COL19A1: variants seen among roughly 807,000 people sequenced by gnomAD.
COL19A1 encodes collagen alpha-1(XIX) chain.
A neutral mutation model predicts 190.2 loss-of-function variants in COL19A1; 159 were observed. The observed-to-expected ratio is 0.84, with a 90% CI of 0.73 to 0.95. The LOEUF (loss-of-function observed/expected upper bound fraction) is 0.95, where lower values mean the gene tolerates loss of function less well. Ranked by LOEUF, COL19A1 falls within the 40% of genes least tolerant of loss-of-function variation. COL19A1 has a pLI of 0.00. For synonymous variants in COL19A1, 509 were observed against 458.9 expected, an observed-to-expected ratio of 1.11 and a Z score of -1.39; for missense variants, 1,418 against 1,431.9, an observed-to-expected ratio of 0.99 and a Z score of 0.16.
At chr6:70,185,300 A>G (rs1766438983) in intron 46 of COL19A1, among the ~76,000 whole-genome samples, 1 of 152,134 alleles carries the variant, frequency 6.6e-6, no homozygotes. Context: ...CTGTTTGGGA[A>G]TTGTAAAATG....
chr6:70,057,926 A>T (rs1780599925), intron 14 of COL19A1, among the ~76,000 whole-genome samples: 1 of 152,072 alleles, frequency 6.6e-6, no homozygotes, highest in South Asian at 2.1e-4. Context: ...TGCAAGGCAC[A>T]CTGCTGGATA....
intron 15 of COL19A1, among the ~76,000 whole-genome samples, chr6:70,095,682 T>C (rs1308240897): frequency 6.6e-6 from 1 of 152,038 alleles, no homozygotes; most frequent in East Asian, 1.9e-4. Context: ...AAACAACTCC[T>C]TTTTTTTCCT....
intron 41 of COL19A1, among the ~76,000 whole-genome samples, chr6:70,173,197 G>A (rs900561815): frequency 1.3e-5 from 2 of 152,192 alleles, no homozygotes; most frequent in Admixed American, 6.5e-5. Flanking sequence ...CTGTTAGACA[G>A]CAAAGTGAAG....
chr6:69,966,407 C>G (rs1775107107), intron 11 of COL19A1, among the ~76,000 whole-genome samples: 1 of 152,164 alleles, frequency 6.6e-6, no homozygotes, highest in Admixed American at 6.5e-5. Context: ...ATAGGAGACT[C>G]CATTTTGTTC....
chr6:69,913,231 G>A (rs1413322397), intron 4 of COL19A1, among the ~76,000 whole-genome samples: 2 of 152,134 alleles, frequency 1.3e-5, no homozygotes, highest in African/African-American at 2.4e-5. Context: ...AATATTTTAT[G>A]TTATATTGTC....
At chr6:70,185,305 A>G (rs1178274419) in intron 46 of COL19A1, among the ~76,000 whole-genome samples, 1 of 152,196 alleles carries the variant, frequency 6.6e-6, no homozygotes, top group Non-Finnish European at 1.5e-5. Flanking sequence ...TGGGAATTGT[A>G]AAATGCTTAG....
At chr6:70,050,110 A>G (rs1332598969) in intron 14 of COL19A1, among the ~76,000 whole-genome samples, 3 of 152,180 alleles carry the variant, frequency 2.0e-5, no homozygotes, top group Admixed American at 6.5e-5. Flanking sequence ...GTCATCTATA[A>G]AATGTGATAC....
rs1405838942 is a variant in COL19A1 at position 69,986,244 on chromosome 6, TATATATATAC to T, written c.1026+23376_1026+23385del. On this transcript the variant is annotated intron_variant, in intron 11 of 50. Transcript: ENST00000620364. Reference sequence around the variant, plus strand: ...TTTTATATATATATATATATATATATATATATATACACACACACATATATATATATTAATC... The same window carrying T: ...TTTTATATATATATATATATATATATACACACACATATATATATATTAATC... Among the ~76,000 whole-genome samples, 726 of 137,230 alleles carry T rather than the reference TATATATATAC, an allele frequency of 5.3e-3. 13 individuals are homozygous for T. The East Asian group carries it at 0.067, about 13-fold the overall frequency. 90.0% of individuals were successfully genotyped at this position (137,230 alleles called of 152,430 possible). A position where few individuals can be genotyped will look rare whatever the true frequency, so the allele number is the denominator to read the frequency against.
rs182893880 is a variant in COL19A1, at chr6:70,079,323, C to T, written c.1224+10847C>T. Among the ~76,000 whole-genome samples, 11 of 152,178 alleles carry T rather than the reference C, an allele frequency of 7.2e-5. No individual in the cohort carries two copies. In the East Asian group the frequency reaches 7.7e-4, roughly 11 times the overall value. ...TTTGAAGCCTACAGCATTAGGGCTA[C>T]GGAAAGAATCTGCAATCAAAAGCCC... On this transcript the variant is annotated intron_variant, in intron 15 of 50. Transcript: ENST00000620364.
At chr6:69,880,171 A>G (rs539923189) in intron 2 of COL19A1, among the ~76,000 whole-genome samples, 1 of 152,330 alleles carries the variant, frequency 6.6e-6, no homozygotes, top group East Asian at 1.9e-4. Flanking sequence ...AACTAAATAG[A>G]CAATATTTGC....
At chr6:69,879,984 A>G (rs1768414660) in intron 2 of COL19A1, 1 of 351,994 alleles carries the variant, frequency 2.8e-6, no homozygotes, top group South Asian at 1.3e-4. Flanking sequence ...TATTCAAGTT[A>G]TAAGTATGGA....
intron 34 of COL19A1, among the ~76,000 whole-genome samples, chr6:70,160,995 T>C (rs187491266): frequency 2.0e-5 from 3 of 152,284 alleles, no homozygotes; most frequent in Admixed American, 2.0e-4. Context: ...TGTATCAAAG[T>C]AACAAAACTA....
intron 7 of COL19A1, among the ~76,000 whole-genome samples, chr6:69,933,655 C>T (rs1562011865): frequency 6.6e-6 from 1 of 152,016 alleles, no homozygotes; most frequent in African/African-American, 2.4e-5. Flanking sequence ...AAGAAAAATA[C>T]TAAATTCAAT....
intron 34 of COL19A1, among the ~76,000 whole-genome samples, chr6:70,157,862 G>C (rs528244175): frequency 6.6e-6 from 1 of 152,190 alleles, no homozygotes; most frequent in East Asian, 1.9e-4. Context: ...AAAAGATCAG[G>C]AAATAATTGG....
chr6:70,065,199 T>C (rs1781102374), intron 14 of COL19A1, among the ~76,000 whole-genome samples: 1 of 152,132 alleles, frequency 6.6e-6, no homozygotes, highest in Admixed American at 6.6e-5. Flanking sequence ...GCTACCTAAC[T>C]TCAGACTCTA....
intron 14 of COL19A1, among the ~76,000 whole-genome samples, chr6:70,049,360 T>C (rs1780074114): frequency 6.6e-6 from 1 of 151,946 alleles, no homozygotes; most frequent in African/African-American, 2.4e-5. Flanking sequence ...GATTAAAATA[T>C]AAGGTATTTT....
intron 11 of COL19A1, among the ~76,000 whole-genome samples, chr6:70,010,936 AC>A (rs1777979692): frequency 1.6e-5 from 1 of 62,308 alleles, no homozygotes; most frequent in Non-Finnish European, 2.7e-5. Context: ...GACAGCAGTA[AC>A]CTCTGCAGAC....
rs370467041 is a variant in COL19A1 at position 70,078,147 on chromosome 6, G to A, written c.1224+9671G>A. On this transcript the variant is annotated intron_variant, in intron 15 of 50. Coordinates refer to ENST00000620364, the MANE Select transcript of COL19A1 (RefSeq NM_001858.6). ...ACAAGAGCTAATGAATAGAGAGTAG[G>A]AAAGAGAAGAAAATAAGCAAAAACA... Among the ~76,000 whole-genome samples, 71 of 152,282 alleles carry A rather than the reference G, an allele frequency of 4.7e-4. 1 individual carries two copies. The South Asian group carries it at 0.01, about 22-fold the overall frequency.
intron 2 of COL19A1, among the ~76,000 whole-genome samples, chr6:69,882,488 TTCCTC>T (rs1271279687): frequency 2.0e-5 from 3 of 152,220 alleles, no homozygotes; most frequent in African/African-American, 7.2e-5. Flanking sequence ...TTAAAACTCT[TTCCTC>T]TAATATAGAC....
Sources: gnomAD v4.1 joint callset for allele counts (sites outside exome capture counted in the v4.1 genomes callset) on GRCh38, gnomAD v4.1.1 for gene constraint, MANE v1.5 for transcripts, NCBI Gene and HGNC (gene_info 2026-07-23, HGNC 2026-07-21) for gene names.